The following ALPK3 variants were observed in gnomAD, a reference collection of about 807,000 sequenced individuals.
ALPK3 encodes the protein alpha-protein kinase 3.
ALPK3 carries 102 observed loss-of-function variants against 140.0 expected under a neutral mutation model. The ratio of observed to expected loss-of-function variants is 0.73; its 90% CI spans 0.62 to 0.86. ALPK3 has a LOEUF of 0.86. Ranked by LOEUF, ALPK3 falls within the 40% of genes least tolerant of loss-of-function variation. ALPK3 has a pLI of 0.00. For synonymous variants in ALPK3, 938 were observed against 898.5 expected, an observed-to-expected ratio of 1.04 and a Z score of -0.79; for missense variants, 2,254 against 2,208.2, an observed-to-expected ratio of 1.02 and a Z score of -0.42.
intron 2 of ALPK3, among the ~76,000 whole-genome samples, chr15:84,824,182 C>T (rs556764243): frequency 5.3e-4 from 81 of 152,336 alleles, no homozygotes; most frequent in African/African-American, 1.9e-3. Context: ...CTCCCCATCC[C>T]TGAAGACTGT....
chr15:84,862,554 C>G, intron 9 of ALPK3, 81 bp from the exon 10 acceptor site: 1 of 1,499,548 alleles, frequency 6.7e-7, no homozygotes. Context: ...GGAGGCTCTT[C>G]TGGCCTTTTC....
Position 84,868,612 on chromosome 15 carries a change from C to A in ALPK3, c.*156C>A. 1 of 737,248 alleles carries A rather than the reference C, an allele frequency of 1.4e-6. No individual in the cohort carries two copies. Among genetic ancestry groups the A allele is most frequent in the South Asian group, 1.9e-5 (1 of 52,074 alleles). 45.7% of individuals were successfully genotyped at this position (737,248 alleles called of 1,614,324 possible). A position where few individuals can be genotyped will look rare whatever the true frequency, so the allele number is the denominator to read the frequency against. On this transcript the variant is annotated 3_prime_UTR_variant, in exon 14 of 14. Coordinates refer to ENST00000258888, the MANE Select transcript of ALPK3 (RefSeq NM_020778.5). ...CTGAGCAGGCTCTCGTGAATCAGCT[C>A]GTCATCAGATGGCTTTGGTGCATGG...
At chr15:84,841,077 A>G (rs906707414) in intron 5 of ALPK3, 145 bp downstream of exon 5, 8 of 1,174,612 alleles carry the variant, frequency 6.8e-6, no homozygotes, top group Non-Finnish European at 9.2e-6. Flanking sequence ...TACAGGGACC[A>G]CAGGCATGCC....
chr15:84,862,709 C>G lies in ALPK3; in HGVS notation c.4204C>G (p.Leu1402Val), dbSNP rs1357707595. 1 of 1,614,158 alleles carries G rather than the reference C, an allele frequency of 6.2e-7. No homozygotes were observed. Among genetic ancestry groups the G allele is most frequent in the South Asian group, 1.1e-5 (1 of 91,076 alleles). ...TGACTCTGGCTGCTGGGGGGACAAGCTCTTTGGGCGACTGGTAAGCGAGGA... is the reference window on the plus strand; with the variant it reads ...TGACTCTGGCTGCTGGGGGGACAAGGTCTTTGGGCGACTGGTAAGCGAGGA... ...LADSGCWGDK[L>V]FGRLVSEELR... Residue 1402 changes from leucine (L) to valine (V), a missense_variant, in exon 10 of 14, where the codon CTC becomes GTC. Physicochemically the swap from Leu to Val is conservative, Grantham distance 32. Coordinates refer to ENST00000258888, the MANE Select transcript of ALPK3 (RefSeq NM_020778.5).
At position 84,857,257 on chromosome 15, in the gene ALPK3, A is replaced by G; in HGVS notation, c.2519A>G (p.Lys840Arg). ...KQEDSPFQCPKEERPGGVPCM... is the reference protein window; with the variant it reads ...KQEDSPFQCPREERPGGVPCM... The stretch of plus-strand genomic sequence containing the variant: ...GAGGACAGCCCGTTCCAGTGCCCCA[A>G]GGAGGAGCGGCCAGGGGGAGTGCCG... Residue 840 changes from lysine (K) to arginine (R), a missense_variant, in exon 6 of 14, where the codon AAG becomes AGG. This residue lies in a region of ALPK3 where 2,088 missense variants were observed against 2,022.9 expected (regional missense o/e 1.03). Transcript: ENST00000258888. The G allele has an allele frequency of 6.2e-7, 1 of 1,614,046 alleles. No homozygotes were observed. The highest frequency in any genetic ancestry group is 1.7e-5 in the Admixed American group (1 of 60,012).
intron 2 of ALPK3, among the ~76,000 whole-genome samples, chr15:84,824,152 A>C (rs1963459385): frequency 6.6e-6 from 1 of 151,934 alleles, no homozygotes; most frequent in Non-Finnish European, 1.5e-5. Flanking sequence ...CTTTCTCTGA[A>C]TTTTCCTTTC....
At position 84,858,339 on chromosome 15, in the gene ALPK3, G is replaced by A. The variant is rs563449464; in HGVS notation, c.3601G>A (p.Val1201Met). 3 of 1,558,112 alleles carry A rather than the reference G, an allele frequency of 1.9e-6. No homozygotes were observed. The highest frequency in any genetic ancestry group is 1.4e-5 in the African/African-American group (1 of 73,536). ...CCCCCGGGGGCCCAGGAAAAGCCTG[G>A]TGCCTGGGTCCCCAGGGACTCCAGG... is the stretch of plus-strand genomic sequence containing the variant. ...VSPRGPRKSL[V>M]PGSPGTPGRE... Residue 1201 changes from valine to methionine, a missense_variant, in exon 6 of 14, where the codon GTG becomes ATG. By Grantham distance (21) the Val-to-Met change is conservative (BLOSUM62 1). Coordinates refer to ENST00000258888, the MANE Select transcript of ALPK3 (RefSeq NM_020778.5).
intron 5 of ALPK3, among the ~76,000 whole-genome samples, chr15:84,841,553 A>G (rs1392383865): frequency 6.6e-6 from 1 of 152,228 alleles, no homozygotes; most frequent in Admixed American, 6.5e-5. Flanking sequence ...GAACTAAGTA[A>G]GTGGCAGTTG....
At chr15:84,850,626 A>G (rs761327442) in intron 5 of ALPK3, among the ~76,000 whole-genome samples, 1 of 151,988 alleles carries the variant, frequency 6.6e-6, no homozygotes, top group Non-Finnish European at 1.5e-5. Flanking sequence ...GCCTCAAGCA[A>G]TTCTCCTACA....
At chr15:84,823,745 C>G (rs1204420015) in intron 2 of ALPK3, among the ~76,000 whole-genome samples, 1 of 152,198 alleles carries the variant, frequency 6.6e-6, no homozygotes, top group Non-Finnish European at 1.5e-5. Context: ...GGGACAGGGT[C>G]TTGCTCTGTC....
intron 5 of ALPK3, among the ~76,000 whole-genome samples, chr15:84,854,518 C>G (rs745649097): frequency 3.3e-5 from 5 of 152,132 alleles, no homozygotes; most frequent in Admixed American, 1.3e-4. Context: ...AACTCCTGAC[C>G]TCAGATGATC....
At chr15:84,835,405 C>T (rs529794477) in intron 3 of ALPK3, among the ~76,000 whole-genome samples, 1 of 152,194 alleles carries the variant, frequency 6.6e-6, no homozygotes. Context: ...CACCCTCCCC[C>T]TCTCATGTTG....
In ALPK3 at chr15:84,840,654, G is replaced by T; in HGVS notation, c.1375G>T (p.Val459Leu). The T allele has an allele frequency of 3.8e-6, 6 of 1,577,766 alleles. No homozygotes were observed. Among genetic ancestry groups the T allele is most frequent in the Non-Finnish European group, 5.2e-6 (6 of 1,163,470 alleles). ...ACCCCTCAGGGCTAGAAGCGAGGGG[G>T]TGCCTGGCGCTCCTGGCCAGCCCAC... is the stretch of plus-strand genomic sequence containing the variant. ...KAPLRARSEG[V>L]PGAPGQPTHS... Residue 459 changes from valine (V) to leucine (L), a missense_variant, in exon 5 of 14, where the codon GTG becomes TTG. Physicochemically the swap from Val to Leu is conservative, Grantham distance 32 (BLOSUM62 1). Coordinates refer to ENST00000258888, the MANE Select transcript of ALPK3 (RefSeq NM_020778.5).
Position 84,870,181 on chromosome 15 carries a change from C to T in ALPK3, c.*1725C>T, listed in dbSNP as rs1964052575. ...GCAGAGAAGCTTTTCATTCCCACCC[C>T]CACCCGGAACCTCCCCTTGCCTAAC... On this transcript the variant is annotated 3_prime_UTR_variant, in exon 14 of 14. Coordinates refer to ENST00000258888, the MANE Select transcript of ALPK3 (RefSeq NM_020778.5). 1 of 152,132 alleles carries T rather than the reference C, an allele frequency of 6.6e-6. No individual in the cohort carries two copies. Among genetic ancestry groups the T allele is most frequent in the Non-Finnish European group, 1.5e-5 (1 of 68,044 alleles). 9.4% of individuals were successfully genotyped at this position (152,132 alleles called of 1,614,324 possible).
In ALPK3 at chr15:84,817,587, C is replaced by T. The variant is rs369591811; in HGVS notation, c.135C>T (p.Pro45=). 417 of 1,500,146 alleles carry T rather than the reference C, an allele frequency of 2.8e-4. 7 individuals are homozygous for T. In the East Asian group the frequency reaches 9.3e-3, roughly 33 times the overall value. 92.9% of individuals were successfully genotyped at this position (1,500,146 alleles called of 1,614,324 possible). A position where few individuals can be genotyped will look rare whatever the true frequency, so the allele number is the denominator to read the frequency against. Residue 45 remains proline, a synonymous_variant, in exon 1 of 14, where the codon CCC becomes CCT. Coordinates refer to ENST00000258888, the MANE Select transcript of ALPK3 (RefSeq NM_020778.5). ...ASRSYLLSVR[P]ETSLSSNRLS... is the part of the protein sequence containing the mutation. Reference sequence around the variant, plus strand: ...GGAGCTACCTGCTCAGCGTGCGGCCCGAGACCAGGTAAGTGGCACCAAGGG... The same window carrying T: ...GGAGCTACCTGCTCAGCGTGCGGCCTGAGACCAGGTAAGTGGCACCAAGGG...
rs766981084 is a variant in ALPK3 at position 84,857,401 on chromosome 15, C to T, written c.2663C>T (p.Thr888Ile). 1.2e-6 allele frequency: 2 copies of T among 1,614,144 alleles called. No homozygotes were observed. The highest frequency in any genetic ancestry group is 1.7e-6 in the Non-Finnish European group (2 of 1,180,030). Residue 888 changes from threonine to isoleucine, a missense_variant, in exon 6 of 14, where the codon ACT (threonine) becomes ATT (isoleucine). Around this residue, in one of 3 missense-constraint regions of ALPK3, gnomAD observed 2,088 missense variants for 2,022.9 expected, o/e 1.03. Transcript: ENST00000258888. Reference sequence around the variant, plus strand: ...AAGGCGGGGCCGTGTAGCACCCCGACTTCTCAGCACGGGAGCACAGCCACC... The same window carrying T: ...AAGGCGGGGCCGTGTAGCACCCCGATTTCTCAGCACGGGAGCACAGCCACC... ...SPKAGPCSTP[T>I]SQHGSTATFL...
chr15:84,822,308 C>G (rs1472701410), intron 1 of ALPK3, among the ~76,000 whole-genome samples: 2 of 152,146 alleles, frequency 1.3e-5, no homozygotes, highest in Non-Finnish European at 2.9e-5. Flanking sequence ...CTGGAGGTAT[C>G]TACCAACCCA....
rs1963899847 is a variant in ALPK3 at position 84,858,552 on chromosome 15, A to G, written c.3814A>G (p.Lys1272Glu). 6.3e-7 allele frequency: 1 copy of G among 1,581,388 alleles called. No homozygotes were observed. Among genetic ancestry groups the G allele is most frequent in the African/African-American group, 1.3e-5 (1 of 74,514 alleles). ...AKPRKAKDLLKAPQVIRKIRV... is the reference protein window; with the variant it reads ...AKPRKAKDLLEAPQVIRKIRV... ...GCCCAGGAAAGCCAAAGACCTGCTG[A>G]AAGGTGAGCAGTGGGGAGGGAGAGG... The change falls in exon 6 of 14, where the codon AAA (lysine) becomes GAA (glutamate). Residue 1272 changes from lysine to glutamate, a missense_variant. Physicochemically the swap from Lys to Glu is moderately conservative, Grantham distance 56 (BLOSUM62 1). Coordinates refer to ENST00000258888, the MANE Select transcript of ALPK3 (RefSeq NM_020778.5).
At chr15:84,841,150 T>G (rs983499112) in intron 5 of ALPK3, among the ~76,000 whole-genome samples, 1 of 152,206 alleles carries the variant, frequency 6.6e-6, no homozygotes, top group African/African-American at 2.4e-5. Flanking sequence ...TGTGACCCTC[T>G]TCTGGGAGTG....
Sources: gnomAD v4.1 joint callset for allele counts (sites outside exome capture counted in the v4.1 genomes callset) on GRCh38, gnomAD v4.1.1 for gene constraint, gnomAD v4.1.1 regional missense constraint, MANE v1.5 for transcripts, NCBI Gene and HGNC (gene_info 2026-07-23, HGNC 2026-07-21) for gene names.